Variants in ZFAND2A observed in about 807,000 individuals in gnomAD.
ZFAND2A encodes the protein zinc finger AN1-type containing 2A, also known as AN1-type zinc finger protein 2A.
ZFAND2A carries 20 observed loss-of-function variants against 11.6 expected under a neutral mutation model. That is an observed-to-expected ratio of 1.72 (90% CI 1.21 to 2.50). ZFAND2A has a LOEUF of 2.50. ZFAND2A is among the 30% of genes most tolerant of loss of function. The pLI is 0.00. For missense variants in ZFAND2A, 234 were observed against 182.9 expected, an observed-to-expected ratio of 1.28 and a Z score of -1.61; for synonymous variants, 93 against 60.6, an observed-to-expected ratio of 1.54 and a Z score of -2.48.
chr7:1,152,134 T>G, downstream of ZFAND2A: 2 of 1,339,488 alleles, frequency 1.5e-6, no homozygotes, highest in Non-Finnish European at 2.0e-6. Context: ...CCTGACGAAG[T>G]CGCACCACTG....
At position 1,154,257 on chromosome 7, in the gene ZFAND2A, G is replaced by C. The variant is rs989359675; in HGVS notation, c.283-1033C>G. Among the ~76,000 whole-genome samples the C allele has an allele frequency of 9.9e-5, 15 of 151,960 alleles. No homozygotes were observed. The East Asian group carries it at 2.9e-3, about 29-fold the overall frequency. ...GTCCTAGGAGTCAGAACTCCAAGAGGGGAAGGCAGTGAGGAGAGTGGGGAG... is the reference window on the plus strand; with the variant it reads ...GTCCTAGGAGTCAGAACTCCAAGAGCGGAAGGCAGTGAGGAGAGTGGGGAG... On this transcript the variant is annotated intron_variant, in intron 4 of 4. Coordinates refer to ENST00000316495, the MANE Select transcript of ZFAND2A (RefSeq NM_182491.4).
At chr7:1,156,095 G>C (rs1241124391) in intron 3 of ZFAND2A, among the ~76,000 whole-genome samples, 2 of 152,072 alleles carry the variant, frequency 1.3e-5, no homozygotes, top group African/African-American at 4.8e-5. Flanking sequence ...GGTTGTGAGG[G>C]CTCCAAAGGG....
Position 1,152,945 on chromosome 7 carries a change from C to G in ZFAND2A, c.*124G>C, listed in dbSNP as rs1250481840. ...TCAATTTTATTATAGTCCCATCTCC[C>G]TCAACAAACAAGATCAGCAGCCAGT... On this transcript the variant is annotated 3_prime_UTR_variant, in exon 5 of 5. Transcript: ENST00000316495. 1 of 1,345,170 alleles carries G rather than the reference C, an allele frequency of 7.4e-7. No individual in the cohort carries two copies. Among genetic ancestry groups the G allele is most frequent in the East Asian group, 2.5e-5 (1 of 40,112 alleles). The allele number at this position is 1,345,170 out of a possible 1,614,324, so 83.3% of individuals were successfully genotyped here.
At chr7:1,152,407 T>C, downstream of ZFAND2A, 1 of 1,455,288 alleles carries the variant, frequency 6.9e-7, no homozygotes, top group Non-Finnish European at 9.2e-7. Context: ...CCCACACAGC[T>C]TCCTGCAGGT....
chr7:1,158,081 T>C, intron 2 of ZFAND2A, 77 bp downstream of exon 2: 1 of 1,415,382 alleles, frequency 7.1e-7, no homozygotes, highest in East Asian at 2.3e-5. Context: ...AAGACACAAT[T>C]ATCAGCTAAT....
intron 2 of ZFAND2A, 32 bp from the exon 3 acceptor site, chr7:1,157,782 C>A (rs149247478): frequency 6.8e-7 from 1 of 1,474,962 alleles, no homozygotes; most frequent in South Asian, 1.3e-5. Context: ...AGTGTTTTAA[C>A]GACTGGAACA....
chr7:1,149,004 C>T (rs2128256369), downstream of ZFAND2A, among the ~76,000 whole-genome samples: 1 of 151,790 alleles, frequency 6.6e-6, no homozygotes, highest in East Asian at 1.9e-4. Flanking sequence ...TACTACATTG[C>T]CCAGTCCTAT....
chr7:1,154,197 T>TG (rs1256108717), intron 4 of ZFAND2A, among the ~76,000 whole-genome samples: 1 of 151,322 alleles, frequency 6.6e-6, no homozygotes, highest in African/African-American at 2.4e-5. Context: ...TTTTTTTTTT[T>TG]TTTTTTGGTG....
In ZFAND2A at chr7:1,155,576, G is replaced by T; in HGVS notation, c.159C>A (p.His53Gln). The change falls in exon 4 of 5, where the codon CAC becomes CAA. Residue 53 changes from histidine (H) to glutamine (Q), a missense_variant. His to Gln is a conservative substitution (Grantham distance 24). Coordinates refer to ENST00000316495, the MANE Select transcript of ZFAND2A (RefSeq NM_182491.4). Reference sequence around the variant, plus strand: ...TATTACAGAGTGGGCATACTGGGACGTGAACATCCTAAAAATAACAAAGGT... The same window carrying T: ...TATTACAGAGTGGGCATACTGGGACTTGAACATCCTAAAAATAACAAAGGT... ...KCPFAFQKDV[H>Q]VPVCPLCNTP... is the part of the protein sequence containing the mutation. 6.2e-7 allele frequency: 1 copy of T among 1,611,506 alleles called. No homozygotes were observed. The highest frequency in any genetic ancestry group is 8.5e-7 in the Non-Finnish European group (1 of 1,179,136).
chr7:1,150,585 G>A (rs180886819), downstream of ZFAND2A, among the ~76,000 whole-genome samples: 22 of 152,280 alleles, frequency 1.4e-4, no homozygotes, highest in South Asian at 4.2e-4. Context: ...GAAAGTGTCA[G>A]GCCACGAAGG....
rs188639730 is a variant in ZFAND2A, at chr7:1,154,109, G to A, written c.283-885C>T. On this transcript the variant is annotated intron_variant, in intron 4 of 4. Coordinates refer to ENST00000316495, the MANE Select transcript of ZFAND2A (RefSeq NM_182491.4). ...ACAGGCAAGCCCCACAGAGGCACTGGCTCCAGGAGCCCTGGGACAGTGGAG... is the reference window on the plus strand; with the variant it reads ...ACAGGCAAGCCCCACAGAGGCACTGACTCCAGGAGCCCTGGGACAGTGGAG... Among the ~76,000 whole-genome samples the A allele has an allele frequency of 3.1e-4, 47 of 152,194 alleles. No individual in the cohort carries two copies. In the East Asian group the frequency reaches 4.8e-3, roughly 16 times the overall value.
intron 3 of ZFAND2A, 78 bp from the exon 4 acceptor site, chr7:1,155,662 T>C: frequency 6.5e-7 from 1 of 1,529,978 alleles, no homozygotes; most frequent in Non-Finnish European, 8.9e-7. Flanking sequence ...AGTACTCCTG[T>C]GCGGCACACT....
chr7:1,150,902 T>TTTTTTTTTTTTC (rs1457637386), downstream of ZFAND2A, among the ~76,000 whole-genome samples: 1 of 142,070 alleles, frequency 7.0e-6, no homozygotes, highest in Non-Finnish European at 1.5e-5. Context: ...TTTTTTTTTT[T>TTTTTTTTTTTTC]TTTGAGATTC....
rs1274266408 is a variant in ZFAND2A at position 1,158,141 on chromosome 7, C to T, written c.55+17G>A. On this transcript the variant is annotated intron_variant, in intron 2 of 4. Transcript: ENST00000316495. ...AACAAAATACCATTTTCTATTAAGT[C>T]TCTTAAAAGTACTCACCTAGCTGCT... is the stretch of plus-strand genomic sequence containing the variant. 5 of 1,611,918 alleles carry T rather than the reference C, an allele frequency of 3.1e-6. No individual in the cohort carries two copies. Among genetic ancestry groups the T allele is most frequent in the Non-Finnish European group, 4.2e-6 (5 of 1,178,754 alleles).
At chr7:1,150,865 TGCTGGCTGCTGACAACTGTGCC>T (rs1793384725), downstream of ZFAND2A, among the ~76,000 whole-genome samples, 23 of 151,368 alleles carry the variant, frequency 1.5e-4, no homozygotes, top group African/African-American at 5.1e-4. Flanking sequence ...CTCTCGGGCT[TGCTGGCTGCTGACAACTGTGCC>T]TTTTTTTTTT....
intron 4 of ZFAND2A, among the ~76,000 whole-genome samples, chr7:1,153,823 G>A (rs1048728103): frequency 2.0e-5 from 3 of 152,164 alleles, no homozygotes; most frequent in Non-Finnish European, 4.4e-5. Context: ...CGTGGTGCCT[G>A]TAATCCCAGC....
downstream of ZFAND2A, among the ~76,000 whole-genome samples, chr7:1,150,932 G>A (rs1227136442): frequency 6.9e-6 from 1 of 145,168 alleles, no homozygotes. Context: ...CTGTTGCCCA[G>A]GCTGGAGTGC....
At chr7:1,159,205 C>G (rs1793612437) in intron 1 of ZFAND2A, among the ~76,000 whole-genome samples, 1 of 152,202 alleles carries the variant, frequency 6.6e-6, no homozygotes, top group African/African-American at 2.4e-5. Context: ...TCCCGGTGCC[C>G]GACACACAGC....
chr7:1,157,685 C>A lies in ZFAND2A; in HGVS notation c.121G>T (p.Ala41Ser), dbSNP rs749186909. The A allele has an allele frequency of 1.3e-6, 2 of 1,570,450 alleles. No homozygotes were observed. The highest frequency in any genetic ancestry group is 1.7e-6 in the Non-Finnish European group (2 of 1,164,014). The change falls in exon 3 of 5, where the codon GCA (alanine) becomes TCA (serine). Residue 41 changes from alanine (A) to serine (S), a missense_variant. Transcript: ENST00000316495. Reference sequence around the variant, plus strand: ...TGGAATGCAAACGGACACTTATGTGCAGCGTATGGAAAATGATCTTTACAG... The same window carrying A: ...TGGAATGCAAACGGACACTTATGTGAAGCGTATGGAAAATGATCTTTACAG... The part of the protein sequence containing the change: ...DFCKDHFPYA[A>S]HKCPFAFQKD...
Sources: allele counts gnomAD v4.1 joint callset (sites outside exome capture counted in the v4.1 genomes callset), GRCh38; gene constraint gnomAD v4.1.1; transcripts MANE v1.5; gene names NCBI Gene and HGNC (gene_info 2026-07-23, HGNC 2026-07-21).